Variants in PHKA2 observed in about 807,000 individuals in gnomAD.
The protein encoded by PHKA2 is phosphorylase b kinase regulatory subunit alpha, liver isoform.
PHKA2 carries 31 observed loss-of-function variants against 102.0 expected under a neutral mutation model. That is an observed-to-expected ratio of 0.30 (90% CI 0.23 to 0.41). PHKA2 has a LOEUF of 0.41. Ranked by LOEUF, PHKA2 falls within the 10% of genes least tolerant of loss-of-function variation. The pLI, the probability that PHKA2 is intolerant of heterozygous loss-of-function variation, is 1.00. For synonymous variants in PHKA2, 455 were observed against 416.2 expected, an observed-to-expected ratio of 1.09 and a Z score of -1.13; for missense variants, 858 against 1,023.1, an observed-to-expected ratio of 0.84 and a Z score of 2.20.
chrX:18,907,348 G>A (rs2047839935), intron 22 of PHKA2, among the ~76,000 whole-genome samples: 1 of 112,568 alleles, frequency 8.9e-6, no homozygotes, highest in African/African-American at 3.2e-5. Context: ...GGGCCCGTCA[G>A]TGGGCGTTTA....
At chrX:18,956,904 T>C in intron 1 of PHKA2, among the ~76,000 whole-genome samples, 1 of 112,240 alleles carries the variant, frequency 8.9e-6, no homozygotes, top group Non-Finnish European at 1.9e-5. Flanking sequence ...CTGTCCTTTT[T>C]TTCTTTCTTT....
At chrX:18,901,991 C>T (rs775339072) in intron 26 of PHKA2, among the ~76,000 whole-genome samples, 20 of 109,709 alleles carry the variant, frequency 1.8e-4, no homozygotes, top group Admixed American at 1.3e-3. Context: ...TACATGCGCC[C>T]GCCATCACGC....
At chrX:18,925,953 C>T (rs965816067) in intron 14 of PHKA2, among the ~76,000 whole-genome samples, 176 bp from the exon 15 acceptor site, 2 of 111,553 alleles carry the variant, frequency 1.8e-5, no homozygotes, top group African/African-American at 6.5e-5. Flanking sequence ...AAACAAATCC[C>T]GCCCCCTTCT....
At position 18,920,039 on chromosome X, in the gene PHKA2, A is replaced by AC; in HGVS notation, c.1955dup (p.Cys652TrpfsTer2). On this transcript the variant is annotated frameshift_variant, in exon 18 of 33. Coordinates refer to ENST00000379942, the MANE Select transcript of PHKA2 (RefSeq NM_000292.3). LOFTEE classifies it high-confidence loss of function. ...AAGCATTCCAAGCTGTACCTTGATT[A>AC]CAGGTGTCTTCCAGATATCCTACCA... The AC allele has an allele frequency of 8.3e-7, 1 of 1,200,839 alleles. No individual in the cohort carries two copies. The highest frequency in any genetic ancestry group is 1.1e-6 in the Non-Finnish European group (1 of 886,049).
At chrX:18,962,266 C>T (rs964685115) in intron 1 of PHKA2, among the ~76,000 whole-genome samples, 3 of 110,998 alleles carry the variant, frequency 2.7e-5, no homozygotes, top group Admixed American at 1.9e-4. Flanking sequence ...TTTGTGGGTG[C>T]GTGCATGGGC....
At chrX:18,909,361 C>T (rs910139269) in intron 20 of PHKA2, among the ~76,000 whole-genome samples, 1 of 111,639 alleles carries the variant, frequency 9.0e-6, no homozygotes, top group Non-Finnish European at 1.9e-5. Context: ...CCCAAATATG[C>T]CAGATTGGTA....
chrX:18,938,848 A>G, intron 9 of PHKA2, 99 bp from the exon 10 acceptor site: 4 of 807,990 alleles, frequency 5.0e-6, no homozygotes, highest in East Asian at 6.4e-5. Context: ...TGATTTTTAC[A>G]GCTTTGAAGT....
In PHKA2 at chrX:18,937,539, G is replaced by A. The variant is rs768614317; in HGVS notation, c.1041+1088C>T. Among the ~76,000 whole-genome samples, 6 of 111,405 alleles carry A rather than the reference G, an allele frequency of 5.4e-5. No homozygotes were observed. In the East Asian group the frequency reaches 1.7e-3, roughly 32 times the overall value. On this transcript the variant is annotated intron_variant, in intron 10 of 32. Coordinates refer to ENST00000379942, the MANE Select transcript of PHKA2 (RefSeq NM_000292.3). ...TAGGGTCAGAGAAAGCTTTCTGAAAGAAGACACACTTACATTGAACCAAGG... is the reference window on the plus strand; with the variant it reads ...TAGGGTCAGAGAAAGCTTTCTGAAAAAAGACACACTTACATTGAACCAAGG...
intron 13 of PHKA2, among the ~76,000 whole-genome samples, chrX:18,928,974 T>G (rs774157805): frequency 4.4e-5 from 5 of 112,771 alleles, no homozygotes; most frequent in Non-Finnish European, 9.4e-5. Context: ...AACGAATCAC[T>G]TGTGCCCCAG....
At chrX:18,929,810 G>A (rs1461351525) in intron 12 of PHKA2, among the ~76,000 whole-genome samples, 3 of 111,795 alleles carry the variant, frequency 2.7e-5, no homozygotes, top group Non-Finnish European at 5.6e-5. Context: ...CTTCCCCAAG[G>A]TGGGCATAGA....
intron 1 of PHKA2, among the ~76,000 whole-genome samples, chrX:18,982,788 C>T (rs1157296026): frequency 8.9e-6 from 1 of 111,850 alleles, no homozygotes; most frequent in Non-Finnish European, 1.9e-5. Context: ...GAGCCGAGAT[C>T]GCGCCACTGC....
At chrX:18,934,304 A>C (rs886379705) in intron 11 of PHKA2, among the ~76,000 whole-genome samples, 3 of 112,471 alleles carry the variant, frequency 2.7e-5, no homozygotes, top group South Asian at 7.3e-4. Context: ...ACTGATCTGC[A>C]GAGTGAGGGA....
intron 29 of PHKA2, 33 bp downstream of exon 29, chrX:18,899,140 G>A (rs748811170): frequency 6.9e-6 from 8 of 1,165,695 alleles, no homozygotes; most frequent in Non-Finnish European, 9.4e-6. Flanking sequence ...AGGAGGAGCG[G>A]GGACGGACAC....
At chrX:18,909,059 C>CT in intron 20 of PHKA2, 125 bp from the exon 21 acceptor site, 1 of 829,530 alleles carries the variant, frequency 1.2e-6, no homozygotes. Flanking sequence ...TTTTCAATGA[C>CT]TTTTTGTACC....
chrX:18,921,543 T>C (rs903787121), intron 17 of PHKA2, among the ~76,000 whole-genome samples: 1 of 112,602 alleles, frequency 8.9e-6, no homozygotes, highest in African/African-American at 3.2e-5. Context: ...TAGTTATAAC[T>C]CCTATATGTA....
chrX:18,950,657 G>A (rs2048666573), intron 4 of PHKA2, among the ~76,000 whole-genome samples: 2 of 112,889 alleles, frequency 1.8e-5, no homozygotes, highest in South Asian at 3.6e-4. Context: ...TGATTGCTAC[G>A]GTTTGAATGT....
chrX:18,916,753 A>G (rs557459050), intron 19 of PHKA2, among the ~76,000 whole-genome samples: 4 of 112,423 alleles, frequency 3.6e-5, no homozygotes, highest in African/African-American at 1.3e-4. Context: ...CTAGAAGCCA[A>G]GTAGATGCCA....
At chrX:18,981,229 C>T (rs762148146) in intron 1 of PHKA2, among the ~76,000 whole-genome samples, 1 of 111,240 alleles carries the variant, frequency 9.0e-6, no homozygotes, top group Non-Finnish European at 1.9e-5. Flanking sequence ...TGAATGGGTG[C>T]AATCCTGCAC....
chrX:18,966,896 C>T (rs960577917), intron 1 of PHKA2, among the ~76,000 whole-genome samples: 1 of 111,467 alleles, frequency 9.0e-6, no homozygotes, highest in Admixed American at 9.6e-5. Flanking sequence ...AGGAAAAAGA[C>T]GGGAGGGGAA....
Sources: gnomAD v4.1 joint callset for allele counts (sites outside exome capture counted in the v4.1 genomes callset) on GRCh38, gnomAD v4.1.1 for gene constraint, MANE v1.5 for transcripts, NCBI Gene and HGNC (gene_info 2026-07-23, HGNC 2026-07-21) for gene names.